Variants in BCAM observed in about 807,000 individuals in gnomAD.
BCAM encodes basal cell adhesion molecule.
A neutral mutation model predicts 72.4 loss-of-function variants in BCAM; 61 were observed. That is an observed-to-expected ratio of 0.84 (90% CI 0.69 to 1.04). BCAM has a LOEUF of 1.04. Among genes scored for constraint, BCAM ranks in the 50% least tolerant of loss-of-function variants. BCAM has a pLI of 0.00. For synonymous variants in BCAM, 408 were observed against 384.2 expected, an observed-to-expected ratio of 1.06 and a Z score of -0.73; for missense variants, 909 against 895.0, an observed-to-expected ratio of 1.02 and a Z score of -0.20.
Position 44,813,451 on chromosome 19 carries a change from C to T in BCAM, c.615C>T (p.Thr205=). ...GATCTCTCCCAGAGGGCTACATGAC[C>T]AGCCGCACGGTCCGGGAGGCCTCGG... ...PVEMNPEGYM[T]SRTVREASGL... is the part of the protein sequence containing the mutation. The change falls in exon 6 of 15, where the codon ACC becomes ACT. Residue 205 remains threonine, a synonymous_variant. Coordinates refer to ENST00000270233, the MANE Select transcript of BCAM (RefSeq NM_005581.5). This position sits in a 1 kb window ranked among gnomAD's most constrained non-coding sequence, Gnocchi z 4.2. 1 of 1,611,186 alleles carries T rather than the reference C, an allele frequency of 6.2e-7. No individual in the cohort carries two copies. The highest frequency in any genetic ancestry group is 1.1e-5 in the South Asian group (1 of 91,016).
rs372033844 is a variant in BCAM, at chr19:44,812,574, C to T, written c.504+26C>T. On this transcript the variant is annotated intron_variant, in intron 4 of 14. Transcript: ENST00000270233. This position sits in a 1 kb window ranked among gnomAD's most constrained non-coding sequence, Gnocchi z 5.3. ...GTACCTCTCGGGTGGACCTTGGCCC[C>T]AGGGTCCTGGAGGAGGAGGGGACAG... 1 of 1,613,266 alleles carries T rather than the reference C, an allele frequency of 6.2e-7. No individual in the cohort carries two copies. Among genetic ancestry groups the T allele is most frequent in the African/African-American group, 1.3e-5 (1 of 74,922 alleles).
At chr19:44,820,571 C>A (rs1968570959) in intron 13 of BCAM, 134 bp from the exon 14 acceptor site, 2 of 1,248,560 alleles carry the variant, frequency 1.6e-6, no homozygotes, top group Non-Finnish European at 1.0e-6. Context: ...CCTATGCCAT[C>A]CCCACCCAGC....
At chr19:44,811,996 A>C (rs888220834) in intron 2 of BCAM, 167 bp from the exon 3 acceptor site, 1 of 673,634 alleles carries the variant, frequency 1.5e-6, no homozygotes, top group Non-Finnish European at 2.5e-6. Context: ...TCAAGAACTG[A>C]TAGGGAATGG....
At position 44,818,921 on chromosome 19, in the gene BCAM, A is replaced by C. The variant is rs1968539473; in HGVS notation, c.1336+39A>C. ...GGAGGGGGTGGGCTTGGATGGGGAC[A>C]GTGTGGGGTGTGGGACCTGGACAAA... On this transcript the variant is annotated intron_variant, in intron 10 of 14. Coordinates refer to ENST00000270233, the MANE Select transcript of BCAM (RefSeq NM_005581.5). This position sits in a 1 kb window ranked among gnomAD's most constrained non-coding sequence, Gnocchi z 4.6. 1 of 1,607,074 alleles carries C rather than the reference A, an allele frequency of 6.2e-7. No individual in the cohort carries two copies. The highest frequency in any genetic ancestry group is 1.3e-5 in the African/African-American group (1 of 74,844).
At position 44,809,130 on chromosome 19, in the gene BCAM, GC is replaced by G; in HGVS notation, c.11del (p.Pro4ArgfsTer40). The G allele has an allele frequency of 7.6e-6, 11 of 1,455,706 alleles. No individual in the cohort carries two copies. The highest frequency in any genetic ancestry group is 2.4e-4 in the Middle Eastern group (1 of 4,170). 90.2% of individuals were successfully genotyped at this position (1,455,706 alleles called of 1,614,324 possible). A position where few individuals can be genotyped will look rare whatever the true frequency, so the allele number is the denominator to read the frequency against. ...TCTCCGCCGCCGCCGTGAACATGGA[GC>G]CCCCGGACGCACCGGCCCAGGCGCG... ME[P>X]PDAPAQARGA... On this transcript the variant is annotated frameshift_variant, in exon 1 of 15. Transcript: ENST00000270233. LOFTEE classifies it high-confidence loss of function.
Position 44,818,697 on chromosome 19 carries a change from C to G in BCAM, c.1195-44C>G. On this transcript the variant is annotated intron_variant, in intron 9 of 14. Transcript: ENST00000270233. The surrounding 1 kb of genome is among the most constrained non-coding windows in gnomAD (Gnocchi z 4.6). ...TCGCACCCTCCTCTCTCCCCTCACT[C>G]CTCGCCCTCTCACAGCGTCCTCCTC... The G allele has an allele frequency of 2.5e-6, 4 of 1,612,792 alleles. No homozygotes were observed. Among genetic ancestry groups the G allele is most frequent in the Non-Finnish European group, 3.4e-6 (4 of 1,179,060 alleles).
chr19:44,811,152 G>C (rs1968413599), intron 1 of BCAM, 73 bp from the exon 2 acceptor site: 3 of 1,604,732 alleles, frequency 1.9e-6, no homozygotes, highest in Admixed American at 1.7e-5. Context: ...TTGTGTCCTG[G>C]GGGAGAGGGG....
Position 44,819,504 on chromosome 19 carries a change from G to C in BCAM, c.1618+14G>C, listed in dbSNP as rs954707024. On this transcript the variant is annotated intron_variant, in intron 12 of 14. Transcript: ENST00000270233. The stretch of plus-strand genomic sequence containing the variant: ...ACTTCGGCACCGGTGAGTGACTGAG[G>C]TGGTGGCAGAGGAGCCGGGTGTGGG... 1.9e-6 allele frequency: 3 copies of C among 1,613,746 alleles called. No individual in the cohort carries two copies. The highest frequency in any genetic ancestry group is 2.5e-6 in the Non-Finnish European group (3 of 1,179,882).
At position 44,814,538 on chromosome 19, in the gene BCAM, G is replaced by A; in HGVS notation, c.922-66G>A. ...GCATGACACTAACCTGGTGGCTTCT[G>A]ACCTAGCATGAGCCCGCTGAACCGG... On this transcript the variant is annotated intron_variant, in intron 7 of 14. Transcript: ENST00000270233. This position sits in a 1 kb window ranked among gnomAD's most constrained non-coding sequence, Gnocchi z 4.6. 6.4e-7 allele frequency: 1 copy of A among 1,573,644 alleles called. No individual in the cohort carries two copies. Among genetic ancestry groups the A allele is most frequent in the Non-Finnish European group, 8.6e-7 (1 of 1,157,236 alleles).
At chr19:44,809,630 A>T (rs1968390999) in intron 1 of BCAM, among the ~76,000 whole-genome samples, 1 of 152,128 alleles carries the variant, frequency 6.6e-6, no homozygotes, top group Non-Finnish European at 1.5e-5. Context: ...AAGTTTTGAG[A>T]GGTCCAGGGA....
In BCAM at chr19:44,813,005, A is replaced by G; in HGVS notation, c.505-245A>G. The G allele has an allele frequency of 1.9e-6, 1 of 518,172 alleles. No homozygotes were observed. Among genetic ancestry groups the G allele is most frequent in the Non-Finnish European group, 3.4e-6 (1 of 296,698 alleles). The allele number at this position is 518,172 out of a possible 1,614,324, so 32.1% of individuals were successfully genotyped here. A position where few individuals can be genotyped will look rare whatever the true frequency, so the allele number is the denominator to read the frequency against. ...AAAAAGAAAGGAAGGGCAGAGGGGG[A>G]AGACTCCTGTGTCCTAGGAAGGAGA... On this transcript the variant is annotated intron_variant, in intron 4 of 14. Coordinates refer to ENST00000270233, the MANE Select transcript of BCAM (RefSeq NM_005581.5). The surrounding 1 kb of genome is among the most constrained non-coding windows in gnomAD (Gnocchi z 4.2).
chr19:44,819,502 AGGT>A lies in BCAM; in HGVS notation c.1618+18_1618+20del. On this transcript the variant is annotated intron_variant, in intron 12 of 14. Transcript: ENST00000270233. The stretch of plus-strand genomic sequence containing the variant: ...CCACTTCGGCACCGGTGAGTGACTG[AGGT>A]GGTGGCAGAGGAGCCGGGTGTGGGG... The A allele has an allele frequency of 1.2e-6, 2 of 1,613,802 alleles. No homozygotes were observed. Among genetic ancestry groups the A allele is most frequent in the Non-Finnish European group, 1.7e-6 (2 of 1,179,870 alleles).
At chr19:44,810,109 G>C (rs1000396926) in intron 1 of BCAM, among the ~76,000 whole-genome samples, 18 of 152,090 alleles carry the variant, frequency 1.2e-4, no homozygotes, top group African/African-American at 4.3e-4. Context: ...GCCAGATTGA[G>C]CAGAGAAGGG....
In BCAM at chr19:44,821,058, G is replaced by A. The variant is rs1968583879; in HGVS notation, c.*137G>A. 1.7e-6 allele frequency: 2 copies of A among 1,192,182 alleles called. No homozygotes were observed. Among genetic ancestry groups the A allele is most frequent in the Non-Finnish European group, 2.2e-6 (2 of 923,270 alleles). The allele number at this position is 1,192,182 out of a possible 1,614,324, so 73.9% of individuals were successfully genotyped here. A position where few individuals can be genotyped will look rare whatever the true frequency, so the allele number is the denominator to read the frequency against. On this transcript the variant is annotated 3_prime_UTR_variant, in exon 15 of 15. Transcript: ENST00000270233. The stretch of plus-strand genomic sequence containing the variant: ...TGCCCAGCCCTCCCTTCCTTCCTCT[G>A]CCGGCAAGGCAGGGACCCACAGTGG...
rs1968426849 is a variant in BCAM, at chr19:44,811,961, G to A, written c.205-202G>A. The A allele has an allele frequency of 9.8e-6, 6 of 610,976 alleles. No individual in the cohort carries two copies. The South Asian group carries it at 1.0e-4, about 10-fold the overall frequency. The allele number at this position is 610,976 out of a possible 1,614,324, so 37.8% of individuals were successfully genotyped here. On this transcript the variant is annotated intron_variant, in intron 2 of 14. Transcript: ENST00000270233. The stretch of plus-strand genomic sequence containing the variant: ...AGGAGAAGGGATGGGACCGGAATGA[G>A]ATGGAGAAAAGGAGACAGGAAAAAT...
rs749439265 is a variant in BCAM, at chr19:44,814,264, G to A, written c.897G>A (p.Pro299=). 93 of 1,595,614 alleles carry A rather than the reference G, an allele frequency of 5.8e-5. 1 individual carries two copies. The East Asian group carries it at 1.7e-3, about 29-fold the overall frequency. Residue 299 remains proline (P), a synonymous_variant, in exon 7 of 15, where the codon CCG becomes CCA. Coordinates refer to ENST00000270233, the MANE Select transcript of BCAM (RefSeq NM_005581.5). This position sits in a 1 kb window ranked among gnomAD's most constrained non-coding sequence, Gnocchi z 4.6. ...GCCGGGGGGACGGCAGCCCCAGCCC[G>A]GAGTATACGCTTTTCCGCCTTCAGG... The part of the protein sequence containing the change: ...LLCRGDGSPS[P]EYTLFRLQDE...
chr19:44,812,629 GGGGCT>G lies in BCAM; in HGVS notation c.504+85_504+89del. The G allele has an allele frequency of 6.5e-7, 1 of 1,543,052 alleles. No individual in the cohort carries two copies. The highest frequency in any genetic ancestry group is 8.8e-7 in the Non-Finnish European group (1 of 1,134,984). ...CTGGACTCCTGGGTCTGAGGGAGGA[GGGGCT>G]GGGGACCCCTGGGTAATAAAGGAGG... On this transcript the variant is annotated intron_variant, in intron 4 of 14. Coordinates refer to ENST00000270233, the MANE Select transcript of BCAM (RefSeq NM_005581.5). This position sits in a 1 kb window ranked among gnomAD's most constrained non-coding sequence, Gnocchi z 5.3.
Position 44,819,272 on chromosome 19 carries a change from T to C in BCAM, c.1474-74T>C, listed in dbSNP as rs1165161106. The C allele has an allele frequency of 3.7e-6, 6 of 1,610,114 alleles. No individual in the cohort carries two copies. In the African/African-American group the frequency reaches 4.0e-5, roughly 11 times the overall value. On this transcript the variant is annotated intron_variant, in intron 11 of 14. Coordinates refer to ENST00000270233, the MANE Select transcript of BCAM (RefSeq NM_005581.5). ...CCCTCCTTTCCACTTCCTGGGAGAC[T>C]GGACGTCGTTCACCTCTGCCCTTGA...
At chr19:44,820,511 T>C in intron 13 of BCAM, 194 bp from the exon 14 acceptor site, 3 of 1,264,232 alleles carry the variant, frequency 2.4e-6, no homozygotes, top group Non-Finnish European at 2.0e-6. Flanking sequence ...AGCATCTGCA[T>C]CCCCATGCCC....
Sources: gnomAD v4.1 joint callset for allele counts (sites outside exome capture counted in the v4.1 genomes callset) on GRCh38, gnomAD v4.1.1 for gene constraint, Gnocchi (gnomAD v3.1) non-coding constraint, MANE v1.5 for transcripts, NCBI Gene and HGNC (gene_info 2026-07-23, HGNC 2026-07-21) for gene names.